Variants in TMEM178B observed in about 807,000 individuals in gnomAD.
The protein encoded by TMEM178B is transmembrane protein 178B.
TMEM178B carries 5 observed loss-of-function variants against 31.0 expected under a neutral mutation model. The observed-to-expected ratio is 0.16, with a 90% CI of 0.08 to 0.34. The LOEUF is 0.34. Among genes scored for constraint, TMEM178B ranks in the 10% least tolerant of loss-of-function variants. The probability of loss-of-function intolerance (pLI) is 1.00; values close to 1 mark genes in which losing one functional copy is unlikely to be tolerated. For synonymous variants in TMEM178B, 164 were observed against 164.0 expected, an observed-to-expected ratio of 1.00 and a Z score of 0.00; for missense variants, 275 against 400.3, an observed-to-expected ratio of 0.69 and a Z score of 2.67.
downstream of TMEM178B, among the ~76,000 whole-genome samples, chr7:141,481,145 G>A (rs1195441420): frequency 1.3e-5 from 2 of 152,348 alleles, no homozygotes; most frequent in Non-Finnish European, 2.9e-5. Context: ...CCCTGAGGCC[G>A]TATGGCGCTG....
At chr7:141,283,337 A>T (rs1409999824) in intron 2 of TMEM178B, among the ~76,000 whole-genome samples, 1 of 152,172 alleles carries the variant, frequency 6.6e-6, no homozygotes, top group Non-Finnish European at 1.5e-5. Context: ...GCTGAGAGTG[A>T]CCAGTGGGAA....
chr7:141,075,494 T>G (rs1317389575), intron 1 of TMEM178B, among the ~76,000 whole-genome samples: 1 of 152,248 alleles, frequency 6.6e-6, no homozygotes, highest in Non-Finnish European at 1.5e-5. Context: ...ATTTGATACT[T>G]TAATATGATC....
chr7:141,401,075 T>A (rs1586936085), intron 2 of TMEM178B, among the ~76,000 whole-genome samples: 1 of 152,210 alleles, frequency 6.6e-6, no homozygotes. Context: ...TCATTGCTGA[T>A]CTAGGGTAGC....
chr7:141,388,801 A>C (rs1292318521), intron 2 of TMEM178B, among the ~76,000 whole-genome samples: 1 of 152,214 alleles, frequency 6.6e-6, no homozygotes, highest in Non-Finnish European at 1.5e-5. Flanking sequence ...GGGTCAGAAG[A>C]CTTACTCTCA....
chr7:141,189,192 G>T (rs1418772732), intron 1 of TMEM178B, among the ~76,000 whole-genome samples: 6 of 152,260 alleles, frequency 3.9e-5, no homozygotes, highest in Non-Finnish European at 5.9e-5. Context: ...ACTGCATTGT[G>T]CTAGAATGTA....
chr7:141,148,679 CT>C (rs1258748834), intron 1 of TMEM178B, among the ~76,000 whole-genome samples: 1 of 152,210 alleles, frequency 6.6e-6, no homozygotes, highest in African/African-American at 2.4e-5. Context: ...GTGCCAGGCA[CT>C]ATTCTTGGTG....
chr7:141,442,190 A>G (rs541316758), intron 3 of TMEM178B, among the ~76,000 whole-genome samples: 3 of 152,252 alleles, frequency 2.0e-5, no homozygotes, highest in African/African-American at 7.2e-5. Context: ...GAGCATAAAC[A>G]TCAACGTATG....
chr7:141,286,056 C>T (rs1479194296), intron 2 of TMEM178B, among the ~76,000 whole-genome samples: 2 of 151,750 alleles, frequency 1.3e-5, no homozygotes, highest in East Asian at 1.9e-4. Context: ...CAAACCTGCA[C>T]GTTCTGCACA....
intron 1 of TMEM178B, among the ~76,000 whole-genome samples, chr7:141,129,729 C>T (rs1421857260): frequency 6.6e-6 from 1 of 152,036 alleles, no homozygotes; most frequent in Admixed American, 6.5e-5. Flanking sequence ...AGAACAGGTG[C>T]CCAGGGTGGT....
At chr7:141,259,431 G>C (rs936229549) in intron 2 of TMEM178B, among the ~76,000 whole-genome samples, 1 of 152,156 alleles carries the variant, frequency 6.6e-6, no homozygotes, top group Non-Finnish European at 1.5e-5. Context: ...TCCAGAACCT[G>C]TTTAGAGTCA....
chr7:141,358,652 T>C lies in TMEM178B; in HGVS notation c.497-78956T>C, dbSNP rs117634807. Reference sequence around the variant, plus strand: ...ATAAAAGTTTCCCAACTTTTCTTAATGACTAACATTTTGTTCCTCTTTATC... The same window carrying C: ...ATAAAAGTTTCCCAACTTTTCTTAACGACTAACATTTTGTTCCTCTTTATC... On this transcript the variant is annotated intron_variant, in intron 2 of 3. Coordinates refer to ENST00000565468, the MANE Select transcript of TMEM178B (RefSeq NM_001195278.2). Among the ~76,000 whole-genome samples the C allele has an allele frequency of 9.3e-3, 1,416 of 152,184 alleles. 15 individuals carry two copies. The highest frequency in any genetic ancestry group is 0.017 in the Middle Eastern group (5 of 294).
intron 2 of TMEM178B, among the ~76,000 whole-genome samples, chr7:141,420,710 G>A (rs1801190459): frequency 6.6e-6 from 1 of 152,106 alleles, no homozygotes; most frequent in Non-Finnish European, 1.5e-5. Flanking sequence ...GTGACTCCCA[G>A]GTTTGTGGGA....
At chr7:141,380,459 T>G (rs188505830) in intron 2 of TMEM178B, among the ~76,000 whole-genome samples, 1 of 152,300 alleles carries the variant, frequency 6.6e-6, no homozygotes, top group African/African-American at 2.4e-5. Flanking sequence ...AGTTTTTAGG[T>G]TTTTAGTGTT....
At chr7:141,511,070 C>A in the TMEM178B span, among the ~76,000 whole-genome samples, 6 of 151,862 alleles carry the variant, frequency 4.0e-5, no homozygotes, top group Non-Finnish European at 8.8e-5. Context: ...GCAGTTCCAA[C>A]GGAGAAGTTG....
chr7:141,417,979 T>G (rs905495472), intron 2 of TMEM178B, among the ~76,000 whole-genome samples: 2 of 152,138 alleles, frequency 1.3e-5, no homozygotes, highest in South Asian at 4.2e-4. Context: ...CCTTTACCGC[T>G]GAACTCTGCT....
chr7:141,261,122 T>G (rs1334921205), intron 2 of TMEM178B, among the ~76,000 whole-genome samples: 1 of 152,196 alleles, frequency 6.6e-6, no homozygotes, highest in Non-Finnish European at 1.5e-5. Flanking sequence ...TTAATGAATG[T>G]ATTGCTTGCA....
At chr7:141,251,421 G>A (rs1455922300) in intron 2 of TMEM178B, among the ~76,000 whole-genome samples, 1 of 152,038 alleles carries the variant, frequency 6.6e-6, no homozygotes, top group African/African-American at 2.4e-5. Context: ...GTACTAGGCA[G>A]TTTGGGGGAA....
intron 2 of TMEM178B, among the ~76,000 whole-genome samples, chr7:141,382,759 G>A (rs1482091614): frequency 5.9e-5 from 9 of 152,114 alleles, no homozygotes; most frequent in Non-Finnish European, 1.2e-4. Context: ...ACAGTAACAC[G>A]TTGAGTTGGG....
chr7:141,102,876 CCCA>C (rs1795081543), intron 1 of TMEM178B, among the ~76,000 whole-genome samples: 1 of 152,110 alleles, frequency 6.6e-6, no homozygotes, highest in East Asian at 1.9e-4. Context: ...CTGGTATGAC[CCCA>C]TTTCACAGAG....
Sources: gnomAD v4.1 joint callset for allele counts (sites outside exome capture counted in the v4.1 genomes callset) on GRCh38, gnomAD v4.1.1 for gene constraint, MANE v1.5 for transcripts, NCBI Gene and HGNC (gene_info 2026-07-23, HGNC 2026-07-21) for gene names.